Variants in GRIN1 observed in about 807,000 individuals in gnomAD.
GRIN1 encodes glutamate ionotropic receptor NMDA type subunit 1, also known as glutamate receptor ionotropic, NMDA 1.
Under a neutral mutation model 103.0 loss-of-function variants are expected in GRIN1, and 38 were observed. The ratio of observed to expected loss-of-function variants is 0.37; its 90% CI spans 0.28 to 0.48. GRIN1 has a LOEUF of 0.48. Among genes scored for constraint, GRIN1 ranks in the 20% least tolerant of loss-of-function variants. The pLI, the probability that GRIN1 is intolerant of heterozygous loss-of-function variation, is 0.98. For missense variants in GRIN1, 577 were observed against 1,288.9 expected (o/e 0.45, Z 8.46); for synonymous variants, 544 against 532.7 (o/e 1.02, Z -0.29).
Position 137,161,053 on chromosome 9 carries a change from C to A in GRIN1, c.1198-3C>A, listed in dbSNP as rs200368768. The A allele has an allele frequency of 7.4e-6, 12 of 1,612,808 alleles. No homozygotes were observed. Among genetic ancestry groups the A allele is most frequent in the African/African-American group, 2.7e-5 (2 of 75,048 alleles). ...CCAGGCTGGGTCTCCCCTTCCCCCC[C>A]AGATTGTGACGATCCACCAGGAGCC... is the stretch of plus-strand genomic sequence containing the variant. On this transcript the variant is annotated splice_region_variant and splice_polypyrimidine_tract_variant and intron_variant, in intron 8 of 19. Coordinates refer to ENST00000371561, the MANE Select transcript of GRIN1 (RefSeq NM_007327.4).
intron 4 of GRIN1, among the ~76,000 whole-genome samples, chr9:137,149,759 G>A (rs1832736609): frequency 6.6e-6 from 1 of 152,202 alleles, no homozygotes. Flanking sequence ...AGGGTGAGGA[G>A]CCTTGCCCCA....
At chr9:137,145,927 C>T (rs752720179) in intron 3 of GRIN1, 25 bp downstream of exon 3, 4 of 1,561,368 alleles carry the variant, frequency 2.6e-6, no homozygotes, top group East Asian at 2.3e-5. Context: ...CGCGGGTGGG[C>T]GCCTGGCGGA....
intron 10 of GRIN1, 96 bp downstream of exon 10, chr9:137,161,512 T>G (rs1433232054): frequency 1.2e-3 from 358 of 301,578 alleles, no homozygotes; most frequent in Admixed American, 3.8e-3. Flanking sequence ...TTGCAGATGG[T>G]GGGGGGTCCT....
At chr9:137,161,810 A>G in intron 10 of GRIN1, 114 bp from the exon 11 acceptor site, 1 of 1,055,156 alleles carries the variant, frequency 9.5e-7, no homozygotes, top group Non-Finnish European at 1.4e-6. Context: ...CGAGCTGGGT[A>G]GGGTCTTGGG....
rs749472537 is a variant in GRIN1 at position 137,142,059 on chromosome 9, T to G, written c.305T>G (p.Phe102Cys). The G allele has an allele frequency of 6.2e-7, 1 of 1,613,938 alleles. No homozygotes were observed. The highest frequency in any genetic ancestry group is 1.6e-4 in the Middle Eastern group (1 of 6,062). Reference protein sequence around the residue: ...VSHPPTPNDHFTPTPVSYTAG... With the variant: ...VSHPPTPNDHCTPTPVSYTAG... Reference sequence around the variant, plus strand: ...CATCCACCTACCCCCAACGACCACTTCACTCCCACCCCTGTCTCCTACACA... The same window carrying G: ...CATCCACCTACCCCCAACGACCACTGCACTCCCACCCCTGTCTCCTACACA... Residue 102 changes from phenylalanine (F) to cysteine (C), a missense_variant, in exon 2 of 20, where the codon TTC becomes TGC. Transcript: ENST00000371561.
In GRIN1 at chr9:137,156,127, G is replaced by C. The variant is rs575778493; in HGVS notation, c.672-542G>C. 1.2e-3 allele frequency among the ~76,000 whole-genome samples: 184 copies of C among 152,258 alleles called. 1 individual carries two copies. The highest frequency in any genetic ancestry group is 4.2e-3 in the African/African-American group (174 of 41,546). On this transcript the variant is annotated intron_variant, in intron 4 of 19. Coordinates refer to ENST00000371561, the MANE Select transcript of GRIN1 (RefSeq NM_007327.4). ...GTCCCATGTGCCTCCGCTTCCCCTC[G>C]GGACACAGAGATATTGTGAAAGTTA...
intron 1 of GRIN1, 142 bp from the exon 2 acceptor site, chr9:137,141,870 TG>T: frequency 1.1e-6 from 1 of 883,792 alleles, no homozygotes; most frequent in Non-Finnish European, 1.9e-6. Context: ...CATCTGGGCC[TG>T]GGCATGTAGC....
Position 137,168,039 on chromosome 9 carries a change from G to A in GRIN1, c.*512G>A, listed in dbSNP as rs1213789391. The A allele has an allele frequency of 1.6e-5, 10 of 633,382 alleles. No individual in the cohort carries two copies. The highest frequency in any genetic ancestry group is 2.8e-6 in the Non-Finnish European group (1 of 355,266). 39.2% of individuals were successfully genotyped at this position (633,382 alleles called of 1,614,324 possible). A position where few individuals can be genotyped will look rare whatever the true frequency, so the allele number is the denominator to read the frequency against. ...GGTGCGGACCGGAGCGGCTGAGGACGGGGCAGAGCTGAGTCGGCTGGGCAG... is the reference window on the plus strand; with the variant it reads ...GGTGCGGACCGGAGCGGCTGAGGACAGGGCAGAGCTGAGTCGGCTGGGCAG... On this transcript the variant is annotated 3_prime_UTR_variant, in exon 20 of 20. Coordinates refer to ENST00000371561, the MANE Select transcript of GRIN1 (RefSeq NM_007327.4).
intron 18 of GRIN1, 146 bp downstream of exon 18, chr9:137,164,050 TC>T: frequency 2.0e-6 from 2 of 991,146 alleles, no homozygotes; most frequent in Admixed American, 1.9e-5. Flanking sequence ...TGGTGAGTGC[TC>T]CCAGGGCACG....
chr9:137,163,721 C>G (rs1400391945), intron 17 of GRIN1, 38 bp from the exon 18 acceptor site: 3 of 1,613,528 alleles, frequency 1.9e-6, no homozygotes, highest in Non-Finnish European at 2.5e-6. Context: ...CTGCGGCCTC[C>G]CTGGCCAGCA....
At chr9:137,163,431 C>T in intron 16 of GRIN1, 101 bp downstream of exon 16, 1 of 1,489,314 alleles carries the variant, frequency 6.7e-7, no homozygotes, top group Non-Finnish European at 9.3e-7. Context: ...TGATTTCCCA[C>T]CCAGGCCGGG....
chr9:137,160,936 G>C lies in GRIN1; in HGVS notation c.1198-120G>C, dbSNP rs886536283. 6 of 1,269,850 alleles carry C rather than the reference G, an allele frequency of 4.7e-6. No homozygotes were observed. In the East Asian group the frequency reaches 7.5e-5, roughly 16 times the overall value. The allele number at this position is 1,269,850 out of a possible 1,614,324, so 78.7% of individuals were successfully genotyped here. On this transcript the variant is annotated intron_variant, in intron 8 of 19. Transcript: ENST00000371561. ...AGTGGCCGGCGGCGCAGGGCGGGGG[G>C]TGTGAGGGGTGCGTCGGGGATTAAG...
chr9:137,143,066 G>A (rs974570573), intron 2 of GRIN1, among the ~76,000 whole-genome samples: 1 of 152,230 alleles, frequency 6.6e-6, no homozygotes, highest in Non-Finnish European at 1.5e-5. Flanking sequence ...CCAACCTGGG[G>A]CCACTGGCAG....
At chr9:137,155,915 C>T (rs1282663160) in intron 4 of GRIN1, among the ~76,000 whole-genome samples, 2 of 152,212 alleles carry the variant, frequency 1.3e-5, no homozygotes, top group African/African-American at 2.4e-5. Flanking sequence ...ATGCAGACTC[C>T]AGGGGGAAAG....
chr9:137,145,907 G>C lies in GRIN1; in HGVS notation c.570+5G>C. 6.3e-7 allele frequency: 1 copy of C among 1,593,682 alleles called. No homozygotes were observed. Among genetic ancestry groups the C allele is most frequent in the South Asian group, 1.1e-5 (1 of 88,372 alleles). ...CTGGAGGAGCGTGAGTCCAAGGTGA[G>C]GGTCGGCGCCGCGGGTGGGCGCCTG... On this transcript the variant is annotated splice_donor_5th_base_variant and intron_variant, in intron 3 of 19. Coordinates refer to ENST00000371561, the MANE Select transcript of GRIN1 (RefSeq NM_007327.4).
In GRIN1 at chr9:137,163,041, G is replaced by A. The variant is rs543824847; in HGVS notation, c.2171+38G>A. The A allele has an allele frequency of 2.0e-5, 31 of 1,561,264 alleles. No homozygotes were observed. In the East Asian group the frequency reaches 5.6e-4, roughly 28 times the overall value. ...CGGCCACCCTGGCGGGGCGGGACAGGTGCGGGGAGGGGGAGGGTGGCCTCC... is the reference window on the plus strand; with the variant it reads ...CGGCCACCCTGGCGGGGCGGGACAGATGCGGGGAGGGGGAGGGTGGCCTCC... On this transcript the variant is annotated intron_variant, in intron 15 of 19. Transcript: ENST00000371561.
At chr9:137,155,452 A>G (rs1249331902) in intron 4 of GRIN1, among the ~76,000 whole-genome samples, 1 of 152,234 alleles carries the variant, frequency 6.6e-6, no homozygotes, top group Non-Finnish European at 1.5e-5. Flanking sequence ...GAAGGGCTGC[A>G]TTTCTTTGTG....
At chr9:137,160,130 A>G (rs1202423594) in intron 8 of GRIN1, among the ~76,000 whole-genome samples, 1 of 152,192 alleles carries the variant, frequency 6.6e-6, no homozygotes, top group African/African-American at 2.4e-5. Context: ...TGGGTCGAAG[A>G]GGCCACGGCG....
intron 10 of GRIN1, 133 bp downstream of exon 10, chr9:137,161,549 G>T: frequency 2.4e-6 from 2 of 830,826 alleles, no homozygotes; most frequent in Non-Finnish European, 3.8e-6. Context: ...GGAGTGAGCG[G>T]AGCCTGCGGG....
Sources: gnomAD v4.1 joint callset for allele counts (sites outside exome capture counted in the v4.1 genomes callset) on GRCh38, gnomAD v4.1.1 for gene constraint, MANE v1.5 for transcripts, NCBI Gene and HGNC (gene_info 2026-07-23, HGNC 2026-07-21) for gene names.